Variants in UNC5D observed in about 807,000 individuals in gnomAD.
UNC5D encodes the protein unc-5 netrin receptor D, also known as netrin receptor UNC5D.
A neutral mutation model predicts 105.4 loss-of-function variants in UNC5D; 39 were observed. The observed-to-expected ratio is 0.37, with a 90% CI of 0.29 to 0.48. UNC5D has a LOEUF of 0.48. Among genes scored for constraint, UNC5D ranks in the 20% least tolerant of loss-of-function variants. The pLI is 0.98. For synonymous variants in UNC5D, 452 were observed against 450.4 expected, an observed-to-expected ratio of 1.00 and a Z score of -0.04; for missense variants, 991 against 1,202.4, an observed-to-expected ratio of 0.82 and a Z score of 2.60.
At chr8:35,316,136 G>A (rs919443760) in intron 1 of UNC5D, among the ~76,000 whole-genome samples, 2 of 152,162 alleles carry the variant, frequency 1.3e-5, no homozygotes, top group Admixed American at 1.3e-4. Flanking sequence ...TAAGGTAGTG[G>A]CAGTTGAATA....
chr8:35,394,258 G>A (rs1490871920), intron 1 of UNC5D, among the ~76,000 whole-genome samples: 2 of 152,090 alleles, frequency 1.3e-5, no homozygotes, highest in Admixed American at 6.6e-5. Context: ...TTATGAAAGC[G>A]ATGCAATGTC....
rs1022744340 is a variant in UNC5D, at chr8:35,235,923, G to A, written c.103+36G>A. On this transcript the variant is annotated intron_variant, in intron 1 of 16. Transcript: ENST00000404895. ...GGCGGAGCGGGCAGCTGGGGGCGAG[G>A]GCGCAGGGGCGCCAGCCTGACGGAG... 15 of 1,222,120 alleles carry A rather than the reference G, an allele frequency of 1.2e-5. No individual in the cohort carries two copies. In the African/African-American group the frequency reaches 2.2e-4, roughly 18 times the overall value. The allele number at this position is 1,222,120 out of a possible 1,614,324, so 75.7% of individuals were successfully genotyped here.
chr8:35,477,450 C>G (rs1335533593), intron 1 of UNC5D, among the ~76,000 whole-genome samples: 2 of 151,438 alleles, frequency 1.3e-5, no homozygotes, highest in African/African-American at 4.9e-5. Flanking sequence ...CCTCTGGTTT[C>G]TTTTTTCACA....
chr8:35,241,554 G>A (rs899485016), intron 1 of UNC5D, among the ~76,000 whole-genome samples: 59 of 151,760 alleles, frequency 3.9e-4, no homozygotes, highest in Admixed American at 7.2e-4. Context: ...GGCCACTATA[G>A]AGCATAAAAT....
intron 1 of UNC5D, among the ~76,000 whole-genome samples, chr8:35,379,862 G>A (rs989795187): frequency 6.6e-6 from 1 of 151,950 alleles, no homozygotes; most frequent in African/African-American, 2.4e-5. Flanking sequence ...AGCTGCTAAT[G>A]TTTTGTACAT....
At chr8:35,759,593 G>A in intron 14 of UNC5D, 124 bp downstream of exon 14, 2 of 1,132,374 alleles carry the variant, frequency 1.8e-6, no homozygotes, top group Non-Finnish European at 1.3e-6. Flanking sequence ...CCTCAAAACT[G>A]TCACAGAAAT....
chr8:35,264,212 A>G (rs1437418240), intron 1 of UNC5D, among the ~76,000 whole-genome samples: 1 of 152,214 alleles, frequency 6.6e-6, no homozygotes. Flanking sequence ...TCAATTCATT[A>G]ATCTATTTGC....
At chr8:35,484,115 G>A (rs191634954) in intron 1 of UNC5D, among the ~76,000 whole-genome samples, 18 of 152,178 alleles carry the variant, frequency 1.2e-4, no homozygotes, top group African/African-American at 2.9e-4. Flanking sequence ...TGAATTAAGC[G>A]TTATTTATAT....
intron 1 of UNC5D, among the ~76,000 whole-genome samples, chr8:35,495,930 G>T (rs1811557685): frequency 6.6e-6 from 1 of 152,106 alleles, no homozygotes; most frequent in South Asian, 2.1e-4. Flanking sequence ...TGAAAAAAGG[G>T]GCCAAAAGAT....
chr8:35,525,504 A>G, intron 1 of UNC5D: 1 of 1,612,294 alleles, frequency 6.2e-7, no homozygotes. Flanking sequence ...TTTGCTGGCA[A>G]GCTTACTAAC....
intron 1 of UNC5D, among the ~76,000 whole-genome samples, chr8:35,410,074 CA>C (rs149046169): frequency 0.023 from 3,537 of 151,990 alleles, 143 homozygotes; most frequent in African/African-American, 0.082. Context: ...AATCTACCAC[CA>C]TGGGAACTCT....
At chr8:35,709,439 C>A (rs1827799597) in intron 8 of UNC5D, among the ~76,000 whole-genome samples, 1 of 152,096 alleles carries the variant, frequency 6.6e-6, no homozygotes, top group Non-Finnish European at 1.5e-5. Flanking sequence ...CCTGTAATCC[C>A]AGCATTTGGG....
intron 4 of UNC5D, among the ~76,000 whole-genome samples, chr8:35,603,445 G>A (rs1820037142): frequency 6.6e-6 from 1 of 152,140 alleles, no homozygotes; most frequent in Non-Finnish European, 1.5e-5. Context: ...CATTTGCTGA[G>A]GAGTGCTTTA....
At chr8:35,253,740 C>T (rs536263545) in intron 1 of UNC5D, among the ~76,000 whole-genome samples, 4 of 152,110 alleles carry the variant, frequency 2.6e-5, no homozygotes, top group African/African-American at 7.2e-5. Flanking sequence ...CCGCCCGCCT[C>T]GGCCTCCCAA....
intron 1 of UNC5D, among the ~76,000 whole-genome samples, chr8:35,477,459 CAG>C (rs1810185967): frequency 6.6e-6 from 1 of 151,618 alleles, no homozygotes; most frequent in Admixed American, 6.6e-5. Context: ...TCTTTTTTCA[CAG>C]AATGATTTTT....
chr8:35,400,553 T>C (rs1237018928), intron 1 of UNC5D, among the ~76,000 whole-genome samples: 1 of 152,178 alleles, frequency 6.6e-6, no homozygotes, highest in Non-Finnish European at 1.5e-5. Context: ...TTTTTTTGGT[T>C]AATAAAACAA....
At chr8:35,426,403 A>C (rs1806252240) in intron 1 of UNC5D, among the ~76,000 whole-genome samples, 1 of 152,186 alleles carries the variant, frequency 6.6e-6, no homozygotes, top group African/African-American at 2.4e-5. Flanking sequence ...CTTCTGTAAA[A>C]GTTTTCTCCT....
chr8:35,396,053 A>C (rs1356482196), intron 1 of UNC5D, among the ~76,000 whole-genome samples: 1 of 152,218 alleles, frequency 6.6e-6, no homozygotes, highest in Admixed American at 6.5e-5. Context: ...TTTAATATTA[A>C]TAATTTAGTA....
At chr8:35,622,836 G>T (rs1439162) in intron 4 of UNC5D, among the ~76,000 whole-genome samples, 17,669 of 152,114 alleles carry the variant, frequency 0.12, 1,128 homozygotes, top group African/African-American at 0.17. Context: ...TGGTCAAACT[G>T]TTTACCTATC....
Sources: allele counts gnomAD v4.1 joint callset (sites outside exome capture counted in the v4.1 genomes callset), GRCh38; gene constraint gnomAD v4.1.1; transcripts MANE v1.5; gene names NCBI Gene and HGNC (gene_info 2026-07-23, HGNC 2026-07-21).